Variants in AIM2 observed in about 807,000 individuals in gnomAD.
The protein encoded by AIM2 is absent in melanoma 2, also known as interferon-inducible protein AIM2.
A neutral mutation model predicts 27.7 loss-of-function variants in AIM2; 30 were observed. The observed-to-expected ratio is 1.08, with a 90% confidence interval of 0.81 to 1.47. The LOEUF is 1.47. Ranked by LOEUF, AIM2 falls within the 40% of genes most tolerant of loss-of-function variation. AIM2 has a pLI of 0.00. For missense variants in AIM2, 358 were observed against 411.3 expected, an observed-to-expected ratio of 0.87 and a Z score of 1.12; for synonymous variants, 141 against 145.3, an observed-to-expected ratio of 0.97 and a Z score of 0.21.
rs547658990 is a variant in AIM2 at position 159,088,800 on chromosome 1, T to TG, written c.-15-22472dup. 7.2e-3 allele frequency among the ~76,000 whole-genome samples: 1,101 copies of TG among 152,258 alleles called. 14 individuals are homozygous for TG. Among genetic ancestry groups the TG allele is most frequent in the Middle Eastern group, 0.01 (3 of 294 alleles). ...TCTCCATGTGATGCTCTCTGCTGCC[T>TG]GGGGACTCTGCAGAGTCCCCACAAG... On this transcript the variant is annotated intron_variant, in intron 1 of 2. Transcript: ENST00000368129.
chr1:159,068,909 C>T (rs1042526220), intron 2 of AIM2, among the ~76,000 whole-genome samples: 1 of 152,128 alleles, frequency 6.6e-6, no homozygotes, highest in Admixed American at 6.5e-5. Context: ...GAGGCCAAGG[C>T]TGGAGGATCA....
At chr1:159,059,375 T>A (rs1310011388), downstream of AIM2, among the ~76,000 whole-genome samples, 1 of 152,168 alleles carries the variant, frequency 6.6e-6, no homozygotes, top group Non-Finnish European at 1.5e-5. Context: ...AAACTTCAGA[T>A]GCTACAGAAG....
At chr1:159,067,932 C>T (rs530434736) in intron 3 of AIM2, among the ~76,000 whole-genome samples, 1 of 152,232 alleles carries the variant, frequency 6.6e-6, no homozygotes, top group East Asian at 1.9e-4. Context: ...ACTACTCTCT[C>T]AGCTAAATGG....
intron 1 of AIM2, among the ~76,000 whole-genome samples, chr1:159,135,372 T>C (rs1647995623): frequency 6.6e-6 from 1 of 152,212 alleles, no homozygotes; most frequent in African/African-American, 2.4e-5. Context: ...ATGCCAGGCA[T>C]CACTTTTACT....
chr1:159,142,901 G>A (rs1041270577), upstream of AIM2, among the ~76,000 whole-genome samples: 3 of 152,036 alleles, frequency 2.0e-5, no homozygotes, highest in Non-Finnish European at 4.4e-5. Context: ...TTGATTTAAA[G>A]ACTGATTGTG....
chr1:159,058,293 G>C (rs1327498277), downstream of AIM2, among the ~76,000 whole-genome samples: 1 of 150,208 alleles, frequency 6.7e-6, no homozygotes, highest in East Asian at 2.0e-4. Flanking sequence ...AGGTTGCAGT[G>C]AGCTAAGATC....
intron 1 of AIM2, among the ~76,000 whole-genome samples, chr1:159,073,826 G>A (rs1297618483): frequency 6.6e-6 from 1 of 152,164 alleles, no homozygotes; most frequent in Non-Finnish European, 1.5e-5. Context: ...ATCACCTGCG[G>A]TCAGGAGTTT....
chr1:159,055,506 A>G, the AIM2 span, among the ~76,000 whole-genome samples: 1 of 152,234 alleles, frequency 6.6e-6, no homozygotes, highest in Non-Finnish European at 1.5e-5. Flanking sequence ...GATGTGCATG[A>G]AGGCACTTGT....
intron 2 of AIM2, among the ~76,000 whole-genome samples, chr1:159,070,865 C>A (rs1260221101): frequency 2.0e-5 from 3 of 152,152 alleles, no homozygotes; most frequent in African/African-American, 7.2e-5. Flanking sequence ...TTCACAGCAT[C>A]GGAGAGAAAA....
chr1:159,129,049 T>A (rs1245188140), intron 1 of AIM2, among the ~76,000 whole-genome samples: 2 of 152,176 alleles, frequency 1.3e-5, no homozygotes, highest in East Asian at 3.8e-4. Context: ...AAAAAGCATC[T>A]TGCAGATGTA....
intron 3 of AIM2, 48 bp from the exon 4 acceptor site, chr1:159,066,377 A>G (rs200960573): frequency 1.3e-6 from 2 of 1,544,140 alleles, no homozygotes; most frequent in African/African-American, 1.4e-5. Context: ...AAAAGGTACT[A>G]TTGAAAGGAC....
At chr1:159,121,213 A>G (rs1307248436) in intron 1 of AIM2, among the ~76,000 whole-genome samples, 4 of 152,188 alleles carry the variant, frequency 2.6e-5, no homozygotes, top group Admixed American at 6.5e-5. Context: ...TAAACTAGTG[A>G]TGGGAAGCAT....
intron 1 of AIM2, among the ~76,000 whole-genome samples, chr1:159,124,107 TC>T (rs1257720975): frequency 6.6e-6 from 1 of 152,238 alleles, no homozygotes; most frequent in African/African-American, 2.4e-5. Flanking sequence ...TTCATTTTTG[TC>T]TTCTAGAAAT....
In AIM2 at chr1:159,063,582, T is replaced by C. The variant is rs1265944241; in HGVS notation, c.909A>G (p.Lys303=). The C allele has an allele frequency of 6.2e-7, 1 of 1,614,220 alleles. No individual in the cohort carries two copies. Residue 303 remains lysine, a synonymous_variant, in exon 5 of 6, where the codon AAA becomes AAG. Coordinates refer to ENST00000368130, the MANE Select transcript of AIM2 (RefSeq NM_004833.3). ...VLGVRNEDTM[K]CKEGDKVRLT... Reference sequence around the variant, plus strand: ...GTCGAACCTTATCTCCTTCCTTACATTTCATTGTGTCCTCGTTTCTAACCC... The same window carrying C: ...GTCGAACCTTATCTCCTTCCTTACACTTCATTGTGTCCTCGTTTCTAACCC...
At position 159,073,277 on chromosome 1, in the gene AIM2, T is replaced by C; in HGVS notation, c.223A>G (p.Met75Val). The C allele has an allele frequency of 6.2e-7, 1 of 1,614,188 alleles. No homozygotes were observed. ...TCCTGAAGACGTTTTGCCAAAAGCA[T>C]ATAATTCAACTTCTGAAAAATACGA... is the stretch of plus-strand genomic sequence containing the variant. ...TIRIFQKLNYMLLAKRLQEEK... is the reference protein window; with the variant it reads ...TIRIFQKLNYVLLAKRLQEEK... Residue 75 changes from methionine (M) to valine (V), a missense_variant, in exon 2 of 6, where the codon ATG (methionine) becomes GTG (valine). Physicochemically the swap from Met to Val is conservative, Grantham distance 21 (BLOSUM62 1). Transcript: ENST00000368130.
At chr1:159,136,045 T>G (rs899649159) in intron 1 of AIM2, among the ~76,000 whole-genome samples, 1 of 152,174 alleles carries the variant, frequency 6.6e-6, no homozygotes, top group African/African-American at 2.4e-5. Flanking sequence ...ATCTGAGGAT[T>G]GTTGTAGGAC....
chr1:159,139,613 A>G (rs1214912018), intron 1 of AIM2, among the ~76,000 whole-genome samples: 1 of 152,162 alleles, frequency 6.6e-6, no homozygotes, highest in Non-Finnish European at 1.5e-5. Flanking sequence ...TGATTCCAAG[A>G]TAGGGAATAG....
Position 159,065,421 on chromosome 1 carries a change from T to TA in AIM2, c.816+488dup, listed in dbSNP as rs201165008. 1.8e-3 allele frequency among the ~76,000 whole-genome samples: 277 copies of TA among 151,342 alleles called. 1 individual carries two copies. Among genetic ancestry groups the TA allele is most frequent in the African/African-American group, 5.5e-3 (229 of 41,264 alleles). ...TTGACATTAAAGTTTACTTTTTAAT[T>TA]AAAAAAAAAGTCTCCTCAGGCTAAC... On this transcript the variant is annotated intron_variant, in intron 4 of 5. Transcript: ENST00000368130.
intron 1 of AIM2, among the ~76,000 whole-genome samples, chr1:159,145,986 GT>G (rs1241787720): frequency 2.0e-5 from 3 of 151,966 alleles, no homozygotes; most frequent in African/African-American, 7.3e-5. Context: ...CGTGCCTGTA[GT>G]CCCAGCTACT....
Sources: gnomAD v4.1 joint callset for allele counts (sites outside exome capture counted in the v4.1 genomes callset) on GRCh38, gnomAD v4.1.1 for gene constraint, MANE v1.5 for transcripts, NCBI Gene and HGNC (gene_info 2026-07-23, HGNC 2026-07-21) for gene names.